The following DPP10 variants were observed in gnomAD, a reference collection of about 807,000 sequenced individuals.
DPP10 encodes dipeptidyl peptidase like 10.
DPP10 carries 33 observed loss-of-function variants against 120.9 expected under a neutral mutation model. The ratio of observed to expected loss-of-function variants is 0.27; its 90% CI spans 0.21 to 0.37. The LOEUF (loss-of-function observed/expected upper bound fraction) is 0.37. Among genes scored for constraint, DPP10 ranks in the 10% least tolerant of loss-of-function variants. DPP10 has a pLI of 1.00. For missense variants in DPP10, 816 were observed against 942.8 expected, an observed-to-expected ratio of 0.87 and a Z score of 1.76; for synonymous variants, 337 against 326.1, an observed-to-expected ratio of 1.03 and a Z score of -0.36.
At chr2:115,766,940 G>A (rs920213350) in intron 12 of DPP10, among the ~76,000 whole-genome samples, 3 of 152,142 alleles carry the variant, frequency 2.0e-5, no homozygotes, top group Admixed American at 1.3e-4. Context: ...CTCCCACCAG[G>A]CCCCAGCTCC....
chr2:115,362,525 A>T (rs2064846137), intron 3 of DPP10, among the ~76,000 whole-genome samples: 1 of 152,180 alleles, frequency 6.6e-6, no homozygotes. Context: ...GACGTTTTCC[A>T]ACTTTTGGTT....
intron 5 of DPP10, among the ~76,000 whole-genome samples, chr2:115,682,472 G>C (rs559214794): frequency 6.6e-6 from 1 of 151,762 alleles, no homozygotes; most frequent in African/African-American, 2.4e-5. Flanking sequence ...AGAAAACGTC[G>C]CAGGAACTCT....
chr2:115,141,796 T>C (rs767826729), intron 1 of DPP10, among the ~76,000 whole-genome samples: 24 of 152,092 alleles, frequency 1.6e-4, no homozygotes, highest in Non-Finnish European at 2.8e-4. Context: ...CTGTTTGAGA[T>C]GGAGTCTCGC....
At chr2:115,402,671 A>T (rs2068157731) in intron 3 of DPP10, among the ~76,000 whole-genome samples, 1 of 151,118 alleles carries the variant, frequency 6.6e-6, no homozygotes, top group African/African-American at 2.4e-5. Context: ...CCACTGAGGA[A>T]AAGCGCAGGA....
chr2:114,988,304 G>A (rs1290222444), intron 1 of DPP10, among the ~76,000 whole-genome samples: 2 of 152,130 alleles, frequency 1.3e-5, no homozygotes, highest in African/African-American at 2.4e-5. Flanking sequence ...ATTCAGTACC[G>A]AAGGTCCACA....
intron 1 of DPP10, among the ~76,000 whole-genome samples, chr2:114,547,595 G>A (rs796525239): frequency 1.3e-5 from 2 of 152,226 alleles, no homozygotes; most frequent in African/African-American, 4.8e-5. Context: ...CAGAGTAATG[G>A]TTCAAGCAGA....
intron 5 of DPP10, among the ~76,000 whole-genome samples, chr2:115,657,232 T>G (rs1032786978): frequency 6.6e-6 from 1 of 151,702 alleles, no homozygotes; most frequent in Non-Finnish European, 1.5e-5. Flanking sequence ...GTGAGAAGAA[T>G]AGCAGCCATA....
intron 1 of DPP10, among the ~76,000 whole-genome samples, chr2:114,556,266 T>C (rs962891499): frequency 9.8e-5 from 13 of 133,104 alleles, no homozygotes; most frequent in African/African-American, 3.1e-4. Flanking sequence ...TATATATATA[T>C]ATAGGCAAAT....
At chr2:115,302,298 A>T (rs1479346473) in intron 1 of DPP10, among the ~76,000 whole-genome samples, 1 of 152,048 alleles carries the variant, frequency 6.6e-6, no homozygotes, top group Non-Finnish European at 1.5e-5. Flanking sequence ...CACAAATCCA[A>T]ACCATATCCA....
intron 1 of DPP10, among the ~76,000 whole-genome samples, chr2:114,643,298 G>A (rs1390924577): frequency 1.3e-5 from 2 of 151,864 alleles, no homozygotes; most frequent in Non-Finnish European, 1.5e-5. Context: ...CAGGCAGCAA[G>A]CTGACACAAT....
At chr2:114,503,559 T>C (rs1320663806) in intron 1 of DPP10, among the ~76,000 whole-genome samples, 1 of 152,162 alleles carries the variant, frequency 6.6e-6, no homozygotes, top group Admixed American at 6.5e-5. Flanking sequence ...AGGGTAAATG[T>C]CCCAAATTTG....
intron 3 of DPP10, among the ~76,000 whole-genome samples, chr2:115,382,414 G>T (rs1018534077): frequency 6.6e-6 from 1 of 152,128 alleles, no homozygotes; most frequent in Non-Finnish European, 1.5e-5. Context: ...GCCCTGCTTC[G>T]GCTCGCGCAC....
intron 3 of DPP10, among the ~76,000 whole-genome samples, chr2:115,370,968 T>C (rs536341609): frequency 1.3e-5 from 2 of 152,226 alleles, no homozygotes; most frequent in South Asian, 4.1e-4. Flanking sequence ...ATAACTCCCA[T>C]TTTTCTGCCC....
At chr2:115,059,352 CTTTT>C (rs70941024) in intron 1 of DPP10, among the ~76,000 whole-genome samples, 1 of 135,766 alleles carries the variant, frequency 7.4e-6, no homozygotes, top group Non-Finnish European at 1.6e-5. Context: ...GTAGGTATTT[CTTTT>C]TTTTTTTTTT....
chr2:114,740,307 T>C (rs1481018195), intron 1 of DPP10, among the ~76,000 whole-genome samples: 1 of 136,098 alleles, frequency 7.3e-6, no homozygotes, highest in Admixed American at 8.4e-5. Context: ...AATTGAACAA[T>C]GAGAACACAT....
rs1323800394 is a variant in DPP10 at position 114,870,526 on chromosome 2, A to G, written c.60+427688A>G. ...GTATATTTTAAGGGCAATAGAAGCT[A>G]CAAAAAGTAGTCAGGTAGAAAGGGG... On this transcript the variant is annotated intron_variant, in intron 1 of 25. Transcript: ENST00000410059. 2.2e-5 allele frequency among the ~76,000 whole-genome samples: 3 copies of G among 138,346 alleles called. 1 individual carries two copies. The allele number at this position is 138,346 out of a possible 152,430, so 90.8% of individuals were successfully genotyped here. A position where few individuals can be genotyped will look rare whatever the true frequency, so the allele number is the denominator to read the frequency against.
chr2:115,348,629 T>C (rs2063831300), intron 3 of DPP10, among the ~76,000 whole-genome samples: 1 of 152,192 alleles, frequency 6.6e-6, no homozygotes, highest in Non-Finnish European at 1.5e-5. Flanking sequence ...ATTTTATTTT[T>C]AAACTTTGTT....
chr2:114,522,500 A>G (rs1271073702), intron 1 of DPP10, among the ~76,000 whole-genome samples: 1 of 152,146 alleles, frequency 6.6e-6, no homozygotes, highest in African/African-American at 2.4e-5. Flanking sequence ...AGATAGGACT[A>G]AAAAAACACT....
intron 5 of DPP10, among the ~76,000 whole-genome samples, chr2:115,612,083 G>A (rs1461181405): frequency 6.6e-6 from 1 of 152,076 alleles, no homozygotes; most frequent in African/African-American, 2.4e-5. Context: ...CCAAATTGTG[G>A]CTCTTCTCTA....
Sources: allele counts gnomAD v4.1 joint callset (sites outside exome capture counted in the v4.1 genomes callset), GRCh38; gene constraint gnomAD v4.1.1; transcripts MANE v1.5; gene names NCBI Gene and HGNC (gene_info 2026-07-23, HGNC 2026-07-21).